IFI44: variants seen among roughly 807,000 people sequenced by gnomAD.
IFI44 encodes the protein interferon-induced protein 44.
A neutral mutation model predicts 45.0 loss-of-function variants in IFI44; 42 were observed. That is an observed-to-expected ratio of 0.93 (90% CI 0.73 to 1.21). The LOEUF is 1.21. Among genes scored for constraint, IFI44 ranks in the 50% most tolerant of loss-of-function variants. The pLI is 0.00. For missense variants in IFI44, 623 were observed against 525.8 expected (o/e 1.18, Z -1.81); for synonymous variants, 221 against 188.6 (o/e 1.17, Z -1.41).
chr1:78,662,836 G>A lies in IFI44; in HGVS notation c.1246G>A (p.Ala416Thr), dbSNP rs1647545226. 6.2e-7 allele frequency: 1 copy of A among 1,613,526 alleles called. No individual in the cohort carries two copies. Among genetic ancestry groups the A allele is most frequent in the Non-Finnish European group, 8.5e-7 (1 of 1,179,846 alleles). ...TTCTGCTCTGAGACGAATGCTATGG[G>A]CTGCAGATGACTTCTTAGAGGATTT... ...ILSALRRMLW[A>T]ADDFLEDLPF... Residue 416 changes from alanine to threonine, a missense_variant, in exon 8 of 9, where the codon GCT (alanine) becomes ACT (threonine). By Grantham distance (58) the Ala-to-Thr change is moderately conservative. Transcript: ENST00000370747.
At chr1:78,657,161 A>G (rs1438538967) in intron 5 of IFI44, among the ~76,000 whole-genome samples, 2 of 152,058 alleles carry the variant, frequency 1.3e-5, no homozygotes, top group Admixed American at 6.6e-5. Context: ...CAATCATTCC[A>G]TAAATTATCA....
rs1328012738 is a variant in IFI44 at position 78,655,551 on chromosome 1, A to T, written c.840+40A>T. ...ATGAGAAATTATAACTGATTTTTAA[A>T]ATGCTTATTTTTGTACAAATGTATC... On this transcript the variant is annotated intron_variant, in intron 5 of 8. Coordinates refer to ENST00000370747, the MANE Select transcript of IFI44 (RefSeq NM_006417.5). The T allele has an allele frequency of 2.6e-6, 4 of 1,540,336 alleles. No homozygotes were observed. The African/African-American group carries it at 5.5e-5, about 21-fold the overall frequency.
chr1:78,662,146 T>C lies in IFI44; in HGVS notation c.1114-558T>C, dbSNP rs377340408. On this transcript the variant is annotated intron_variant, in intron 7 of 8. Transcript: ENST00000370747. The stretch of plus-strand genomic sequence containing the variant: ...GGGAACACCAGTTGGGAGAATGCAA[T>C]GATAGCAAGTATTTGTTGAGCACTA... Among the ~76,000 whole-genome samples the C allele has an allele frequency of 1.1e-4, 17 of 152,304 alleles. No homozygotes were observed. In the East Asian group the frequency reaches 2.7e-3, roughly 24 times the overall value.
Position 78,662,780 on chromosome 1 carries a change from A to G in IFI44, c.1190A>G (p.Glu397Gly). The G allele has an allele frequency of 1.2e-6, 2 of 1,613,638 alleles. No individual in the cohort carries two copies. The highest frequency in any genetic ancestry group is 1.7e-6 in the Non-Finnish European group (2 of 1,179,866). ...SVVSNYSSEW[E>G]LDPVKDVLIL... ...GTTAGCAATTATTCCTCTGAGTGGG[A>G]GCTGGACCCTGTAAAGGATGTTCTA... Residue 397 changes from glutamate (E) to glycine (G), a missense_variant, in exon 8 of 9, where the codon GAG becomes GGG. Coordinates refer to ENST00000370747, the MANE Select transcript of IFI44 (RefSeq NM_006417.5).
intron 5 of IFI44, among the ~76,000 whole-genome samples, chr1:78,655,876 C>T (rs1424377042): frequency 6.6e-6 from 1 of 152,116 alleles, no homozygotes; most frequent in Non-Finnish European, 1.5e-5. Context: ...TCAGCATGGG[C>T]TGTTAAGATA....
At chr1:78,653,389 TG>T in intron 2 of IFI44, among the ~76,000 whole-genome samples, 1 of 152,204 alleles carries the variant, frequency 6.6e-6, no homozygotes, top group East Asian at 1.9e-4. Context: ...TGTTTGTACT[TG>T]CACTTTGCTA....
chr1:78,650,616 A>G lies in IFI44; in HGVS notation c.421A>G (p.Ile141Val). 4 of 1,605,478 alleles carry G rather than the reference A, an allele frequency of 2.5e-6. No homozygotes were observed. The highest frequency in any genetic ancestry group is 1.7e-5 in the Admixed American group (1 of 58,530). The part of the protein sequence containing the change: ...ENLGLAQNCT[I>V]SIQDYEVFRC... Reference sequence around the variant, plus strand: ...TCTTGGACTTGCTCAAAATTGTACTATCTCTATTCAGGATTATGAAGTTTT... The same window carrying G: ...TCTTGGACTTGCTCAAAATTGTACTGTCTCTATTCAGGATTATGAAGTTTT... Residue 141 changes from isoleucine to valine, a missense_variant, in exon 2 of 9, where the codon ATC becomes GTC. Coordinates refer to ENST00000370747, the MANE Select transcript of IFI44 (RefSeq NM_006417.5).
At chr1:78,654,161 T>C in intron 2 of IFI44, 82 bp from the exon 3 acceptor site, 3 of 811,076 alleles carry the variant, frequency 3.7e-6, no homozygotes, top group Non-Finnish European at 6.5e-6. Flanking sequence ...TTGTCCCTAG[T>C]GAATTCACTG....
chr1:78,654,981 A>C, intron 3 of IFI44, 33 bp from the exon 4 acceptor site: 1 of 1,469,200 alleles, frequency 6.8e-7, no homozygotes, highest in Non-Finnish European at 9.1e-7. Flanking sequence ...ACCTAACCTC[A>C]GTCAATTGTT....
chr1:78,663,124 T>A (rs1647564384), intron 8 of IFI44: 1 of 985,246 alleles, frequency 1.0e-6, no homozygotes, highest in African/African-American at 1.7e-5. Flanking sequence ...AGTTTTAAAA[T>A]AATCCACCTC....
At chr1:78,650,149 T>A (rs764284663) in intron 1 of IFI44, 37 bp from the exon 2 acceptor site, 4 of 1,418,768 alleles carry the variant, frequency 2.8e-6, no homozygotes, top group Non-Finnish European at 3.8e-6. Context: ...ATCTGTTTTT[T>A]AATATTTAAT....
At chr1:78,663,350 G>T (rs1199096618) in intron 8 of IFI44, 63 of 985,176 alleles carry the variant, frequency 6.4e-5, no homozygotes, top group Non-Finnish European at 7.6e-5. Flanking sequence ...TCTTCATGCA[G>T]TATGGTCATT....
Position 78,658,387 on chromosome 1 carries a change from TA to T in IFI44, c.841-924del, listed in dbSNP as rs575998722. Reference sequence around the variant, plus strand: ...TGGAAACAATTAAAACATTTTAGCATATTTTTATAGTGTGTTTAGGTTGTAT... The same window carrying T: ...TGGAAACAATTAAAACATTTTAGCATTTTTTATAGTGTGTTTAGGTTGTAT... On this transcript the variant is annotated intron_variant, in intron 5 of 8. Transcript: ENST00000370747. Among the ~76,000 whole-genome samples, 81 of 152,306 alleles carry T rather than the reference TA, an allele frequency of 5.3e-4. No individual in the cohort carries two copies. In the East Asian group the frequency reaches 0.014, roughly 26 times the overall value.
intron 8 of IFI44, 114 bp from the exon 9 acceptor site, chr1:78,663,651 G>T: frequency 6.8e-7 from 1 of 1,481,250 alleles, no homozygotes; most frequent in Non-Finnish European, 8.9e-7. Context: ...CTCATGGTAC[G>T]TGTGCTCCTA....
At chr1:78,660,849 G>A in intron 7 of IFI44, 195 bp downstream of exon 7, 1 of 568,370 alleles carries the variant, frequency 1.8e-6, no homozygotes, top group East Asian at 3.2e-5. Flanking sequence ...TTAGTTCCAG[G>A]ACTTTGCATT....
In IFI44 at chr1:78,659,720, A is replaced by G. The variant is rs878940630; in HGVS notation, c.1012+237A>G. The stretch of plus-strand genomic sequence containing the variant: ...TCAATAAAATTAGTATAATAATAGT[A>G]CCTCTTAGAGACTTTTTTGTTAAGA... On this transcript the variant is annotated intron_variant, in intron 6 of 8. Transcript: ENST00000370747. 4.6e-5 allele frequency among the ~76,000 whole-genome samples: 7 copies of G among 152,196 alleles called. 2 individuals are homozygous for G. Among genetic ancestry groups the G allele is most frequent in the Admixed American group, 4.6e-4 (7 of 15,272 alleles).
chr1:78,660,410 TG>T (rs1647380513), intron 6 of IFI44, 143 bp from the exon 7 acceptor site: 1 of 595,172 alleles, frequency 1.7e-6, no homozygotes, highest in South Asian at 2.2e-5. Context: ...GGGAGTTTTT[TG>T]GGGAGATGAG....
intron 5 of IFI44, among the ~76,000 whole-genome samples, chr1:78,656,767 C>T (rs1231476730): frequency 6.7e-6 from 1 of 148,970 alleles, no homozygotes; most frequent in African/African-American, 2.5e-5. Flanking sequence ...TTACATATCT[C>T]GTGTGCCTAT....
chr1:78,659,248 G>A (rs1647314210), intron 5 of IFI44, 64 bp from the exon 6 acceptor site: 2 of 1,321,656 alleles, frequency 1.5e-6, no homozygotes, highest in East Asian at 4.6e-5. Flanking sequence ...CACAGTGCCT[G>A]GTACATAGTT....
Sources: gnomAD v4.1 joint callset for allele counts (sites outside exome capture counted in the v4.1 genomes callset) on GRCh38, gnomAD v4.1.1 for gene constraint, MANE v1.5 for transcripts, NCBI Gene and HGNC (gene_info 2026-07-23, HGNC 2026-07-21) for gene names.